EPHX3: variants seen among roughly 807,000 people sequenced by gnomAD.
EPHX3 encodes abhydrolase domain containing 9.
A neutral mutation model predicts 40.2 loss-of-function variants in EPHX3; 39 were observed. The ratio of observed to expected loss-of-function variants is 0.97; its 90% CI spans 0.75 to 1.27. The LOEUF (loss-of-function observed/expected upper bound fraction) is 1.27, where lower values mean the gene tolerates loss of function less well. Among genes scored for constraint, EPHX3 ranks in the 50% most tolerant of loss-of-function variants. The pLI is 0.00. For missense variants in EPHX3, 442 were observed against 474.0 expected (o/e 0.93, Z 0.63); for synonymous variants, 213 against 209.7 (o/e 1.02, Z -0.14).
intron 4 of EPHX3, among the ~76,000 whole-genome samples, chr19:15,228,362 G>T (rs975976747): frequency 1.2e-4 from 19 of 152,110 alleles, no homozygotes; most frequent in East Asian, 5.8e-4. Context: ...CCCAGGCCAG[G>T]GTGCGTTTCC....
intron 2 of EPHX3, among the ~76,000 whole-genome samples, 176 bp from the exon 3 acceptor site, chr19:15,231,572 T>A (rs2047154566): frequency 6.6e-6 from 1 of 152,162 alleles, no homozygotes; most frequent in Non-Finnish European, 1.5e-5. Context: ...ACACCCTGAA[T>A]CCAGGGAACT....
upstream of EPHX3, chr19:15,233,348 C>T (rs961832734): frequency 1.3e-5 from 2 of 152,524 alleles, no homozygotes; most frequent in African/African-American, 2.4e-5. Context: ...CTGGTGCTAC[C>T]CACCCAGGGG....
intron 4 of EPHX3, among the ~76,000 whole-genome samples, chr19:15,229,855 C>G (rs1023246605): frequency 8.9e-6 from 1 of 112,650 alleles, no homozygotes; most frequent in Non-Finnish European, 1.7e-5. Context: ...CCACTGCACT[C>G]CAGCCTGGCG....
chr19:15,228,613 G>A lies in EPHX3; in HGVS notation c.617-513C>T, dbSNP rs889849954. ...GGCTCACTGCGAGCTCCGCCTCCCG[G>A]GTTCACGCCATTCTCCTGCCTCAGC... On this transcript the variant is annotated intron_variant, in intron 4 of 6. Coordinates refer to ENST00000221730, the MANE Select transcript of EPHX3 (RefSeq NM_024794.3). 2.9e-5 allele frequency among the ~76,000 whole-genome samples: 4 copies of A among 139,702 alleles called. No homozygotes were observed. The South Asian group carries it at 9.2e-4, about 32-fold the overall frequency. The allele number at this position is 139,702 out of a possible 152,430, so 91.6% of individuals were successfully genotyped here. A position where few individuals can be genotyped will look rare whatever the true frequency, so the allele number is the denominator to read the frequency against.
At chr19:15,229,524 C>T (rs1471333984) in intron 4 of EPHX3, among the ~76,000 whole-genome samples, 3 of 151,530 alleles carry the variant, frequency 2.0e-5, no homozygotes, top group Admixed American at 2.0e-4. Flanking sequence ...ATCACTTGAA[C>T]CTGAGAGGCG....
At chr19:15,231,537 G>A (rs1174747863) in intron 2 of EPHX3, 141 bp from the exon 3 acceptor site, 2 of 1,217,180 alleles carry the variant, frequency 1.6e-6, no homozygotes, top group Non-Finnish European at 2.3e-6. Flanking sequence ...CCAGGCAGAG[G>A]CAGAGGCTGA....
intron 3 of EPHX3, 38 bp from the exon 4 acceptor site, chr19:15,231,128 CA>C: frequency 6.2e-7 from 1 of 1,613,226 alleles, no homozygotes. Context: ...GTGAGGTGCC[CA>C]GTAGGACTGA....
At chr19:15,229,151 G>A (rs1322683547) in intron 4 of EPHX3, among the ~76,000 whole-genome samples, 5 of 151,980 alleles carry the variant, frequency 3.3e-5, no homozygotes, top group Admixed American at 6.6e-5. Context: ...AAGCCAAGGC[G>A]GGTGGATCAC....
intron 4 of EPHX3, among the ~76,000 whole-genome samples, chr19:15,229,612 G>A (rs1174905775): frequency 1.4e-5 from 2 of 145,224 alleles, no homozygotes; most frequent in African/African-American, 5.1e-5. Flanking sequence ...AAAAAAAAAG[G>A]GGCCAGGCGT....
At chr19:15,235,159 G>A (rs994892284), upstream of EPHX3, among the ~76,000 whole-genome samples, 1 of 151,806 alleles carries the variant, frequency 6.6e-6, no homozygotes, top group Admixed American at 6.6e-5. Flanking sequence ...GTGCTACCGC[G>A]CCCCGCTAAT....
chr19:15,227,671 A>G lies in EPHX3; in HGVS notation c.858-9T>C, dbSNP rs1477095575. 6.2e-7 allele frequency: 1 copy of G among 1,613,182 alleles called. No homozygotes were observed. The highest frequency in any genetic ancestry group is 2.2e-5 in the East Asian group (1 of 44,842). On this transcript the variant is annotated splice_polypyrimidine_tract_variant and intron_variant, in intron 6 of 6. Transcript: ENST00000221730. The stretch of plus-strand genomic sequence containing the variant: ...GTTCCAGGGGGAAGTTCCTGTGGCC[A>G]GGACAGACAGACAGGCAGACAGACA...
At chr19:15,231,437 C>A in intron 2 of EPHX3, 41 bp from the exon 3 acceptor site, 1 of 1,602,840 alleles carries the variant, frequency 6.2e-7, no homozygotes, top group Non-Finnish European at 8.5e-7. Flanking sequence ...TCAGGGCCCT[C>A]AGGTTGCACC....
chr19:15,234,883 G>T (rs1452610572), upstream of EPHX3, among the ~76,000 whole-genome samples: 1 of 152,304 alleles, frequency 6.6e-6, no homozygotes, highest in Non-Finnish European at 1.5e-5. Context: ...CTCAAGAGCC[G>T]AATAGACCAC....
chr19:15,227,474 T>G lies in EPHX3; in HGVS notation c.1046A>C (p.Gln349Pro). The G allele has an allele frequency of 6.2e-7, 1 of 1,614,164 alleles. No individual in the cohort carries two copies. The highest frequency in any genetic ancestry group is 1.1e-5 in the South Asian group (1 of 91,086). ...IPQSNPQEMH[Q>P]YMWAFLQDLL... ...GTCTTGCAAGAAGGCCCACATGTAC[T>G]GGTGCATCTCCTGGGGGTTGCTCTG... Residue 349 changes from glutamine (Q) to proline (P), a missense_variant, in exon 7 of 7, where the codon CAG becomes CCG. Coordinates refer to ENST00000221730, the MANE Select transcript of EPHX3 (RefSeq NM_024794.3).
upstream of EPHX3, among the ~76,000 whole-genome samples, chr19:15,234,257 TGTAAAATAGCCATCC>T (rs2047175599): frequency 6.6e-6 from 1 of 152,144 alleles, no homozygotes; most frequent in South Asian, 2.1e-4. Context: ...ACATACATCT[TGTAAAATAGCCATCC>T]GCAAAGATGT....
At chr19:15,232,559 C>CAG, upstream of EPHX3, 1 of 586,756 alleles carries the variant, frequency 1.7e-6, no homozygotes, top group Non-Finnish European at 2.4e-6. Flanking sequence ...GAAGACTCAG[C>CAG]AGCGGGTGGG....
At position 15,232,324 on chromosome 19, in the gene EPHX3, C is replaced by A. The variant is rs1275986607; in HGVS notation, c.-113G>T. On this transcript the variant is annotated 5_prime_UTR_variant, in exon 1 of 7. Transcript: ENST00000221730. ...GCCCTTGGCCTGGGGCCCCTCCGTG[C>A]CGTCGGGATTTGTGGGACGCGCTGA... 6 of 1,379,432 alleles carry A rather than the reference C, an allele frequency of 4.3e-6. No homozygotes were observed. The highest frequency in any genetic ancestry group is 5.6e-6 in the Non-Finnish European group (6 of 1,076,870). The allele number at this position is 1,379,432 out of a possible 1,614,324, so 85.4% of individuals were successfully genotyped here.
In EPHX3 at chr19:15,231,864, A is replaced by G. The variant is rs376172099; in HGVS notation, c.244-3T>C. 239 of 1,613,474 alleles carry G rather than the reference A, an allele frequency of 1.5e-4. No individual in the cohort carries two copies. Among genetic ancestry groups the G allele is most frequent in the Non-Finnish European group, 1.1e-4 (124 of 1,179,976 alleles). ...TAGTGCAGACGCAGGCCCGAGCTCT[A>G]GGGGGAGGGCACAGCCTGAAGCCTG... On this transcript the variant is annotated splice_polypyrimidine_tract_variant and splice_region_variant and intron_variant, in intron 1 of 6. Transcript: ENST00000221730.
In EPHX3 at chr19:15,231,996, C is replaced by G. The variant is rs532940661; in HGVS notation, c.216G>C (p.Leu72=). The part of the protein sequence containing the change: ...ASPACLSDPS[L]GEHGFLNLKS... ...TGAGGTTCAGGAAACCGTGCTCACC[C>G]AGCGAGGGGTCGCTCAGGCAGGCGG... The change falls in exon 1 of 7, where the codon CTG becomes CTC. Residue 72 remains leucine (L), a synonymous_variant. Transcript: ENST00000221730. 4 of 1,609,002 alleles carry G rather than the reference C, an allele frequency of 2.5e-6. No individual in the cohort carries two copies. In the African/African-American group the frequency reaches 5.3e-5, roughly 21 times the overall value.
Sources: gnomAD v4.1 joint callset for allele counts (sites outside exome capture counted in the v4.1 genomes callset) on GRCh38, gnomAD v4.1.1 for gene constraint, MANE v1.5 for transcripts, NCBI Gene and HGNC (gene_info 2026-07-23, HGNC 2026-07-21) for gene names.